The following CADPS2 variants were observed in gnomAD, a reference collection of about 807,000 sequenced individuals.
CADPS2 encodes calcium dependent secretion activator 2.
A neutral mutation model predicts 172.5 loss-of-function variants in CADPS2; 93 were observed. The ratio of observed to expected loss-of-function variants is 0.54; its 90% CI spans 0.46 to 0.64. CADPS2 has a LOEUF of 0.64. CADPS2 is among the 30% of genes least tolerant of loss of function. The pLI is 0.00. For missense variants in CADPS2, 1,420 were observed against 1,565.9 expected, an observed-to-expected ratio of 0.91 and a Z score of 1.57; for synonymous variants, 546 against 555.2, an observed-to-expected ratio of 0.98 and a Z score of 0.23.
chr7:122,746,642 G>GAC lies in CADPS2; in HGVS notation c.340-9576_340-9575dup, dbSNP rs758081487. ...TAAAACACACAGACACACACACACA[G>GAC]ACACACACACACACACACCCTCATG... On this transcript the variant is annotated intron_variant, in intron 1 of 29. Coordinates refer to ENST00000449022, the MANE Select transcript of CADPS2 (RefSeq NM_017954.11). Among the ~76,000 whole-genome samples, 611 of 142,484 alleles carry GAC rather than the reference G, an allele frequency of 4.3e-3. 15 individuals carry two copies. The East Asian group carries it at 0.052, about 12-fold the overall frequency. The allele number at this position is 142,484 out of a possible 152,430, so 93.5% of individuals were successfully genotyped here. A position where few individuals can be genotyped will look rare whatever the true frequency, so the allele number is the denominator to read the frequency against.
intron 14 of CADPS2, among the ~76,000 whole-genome samples, chr7:122,461,439 C>T (rs1339800638): frequency 6.6e-6 from 1 of 151,926 alleles, no homozygotes; most frequent in Non-Finnish European, 1.5e-5. Context: ...GTCCCAATCA[C>T]AATAAATTAA....
intron 2 of CADPS2, among the ~76,000 whole-genome samples, chr7:122,692,962 C>T (rs2084591202): frequency 6.6e-6 from 1 of 152,212 alleles, no homozygotes; most frequent in Non-Finnish European, 1.5e-5. Context: ...ATACCTTTTA[C>T]AGACAATAGT....
At chr7:122,382,245 T>C (rs568823546) in intron 24 of CADPS2, 9 of 152,228 alleles carry the variant, frequency 5.9e-5, no homozygotes, top group East Asian at 5.8e-4. Context: ...TAAAAGGAAG[T>C]TGTAGAATGA....
chr7:122,683,233 T>C (rs896195950), intron 2 of CADPS2, among the ~76,000 whole-genome samples: 2 of 152,188 alleles, frequency 1.3e-5, no homozygotes, highest in African/African-American at 4.8e-5. Context: ...ATCTGTAGTT[T>C]CTGATGCTCA....
intron 2 of CADPS2, among the ~76,000 whole-genome samples, chr7:122,679,266 G>GT (rs1554715341): frequency 0.079 from 1,921 of 24,358 alleles, 397 homozygotes; most frequent in African/African-American, 0.17. Flanking sequence ...ATGCATTCCT[G>GT]GGGGGGGGGG....
chr7:122,626,819 C>T lies in CADPS2; in HGVS notation c.867+2429G>A, dbSNP rs1019750055. On this transcript the variant is annotated intron_variant, in intron 4 of 29. Coordinates refer to ENST00000449022, the MANE Select transcript of CADPS2 (RefSeq NM_017954.11). ...AATGAGGCTCGAAAGTGTTAAGTAA[C>T]GTGCCTACTATTATGTTTAGAAAAT... Among the ~76,000 whole-genome samples the T allele has an allele frequency of 3.9e-5, 6 of 152,258 alleles. No homozygotes were observed. In the East Asian group the frequency reaches 5.8e-4, roughly 15 times the overall value.
chr7:122,671,845 A>G (rs1020868563), intron 2 of CADPS2, among the ~76,000 whole-genome samples: 2 of 152,208 alleles, frequency 1.3e-5, no homozygotes, highest in East Asian at 3.9e-4. Context: ...TGTGAGCAAA[A>G]CTAGGGCAGA....
chr7:122,555,584 T>C (rs1055135221), intron 7 of CADPS2, among the ~76,000 whole-genome samples: 1 of 152,096 alleles, frequency 6.6e-6, no homozygotes, highest in African/African-American at 2.4e-5. Context: ...CATTCTCAGG[T>C]ATTCTAATTT....
intron 2 of CADPS2, among the ~76,000 whole-genome samples, chr7:122,715,804 T>C (rs919075544): frequency 6.6e-6 from 1 of 151,970 alleles, no homozygotes; most frequent in Non-Finnish European, 1.5e-5. Flanking sequence ...AGTAAGGTAC[T>C]ACCAAAGCTT....
intron 7 of CADPS2, among the ~76,000 whole-genome samples, chr7:122,561,783 T>A (rs2065813174): frequency 6.6e-6 from 1 of 152,170 alleles, no homozygotes; most frequent in Non-Finnish European, 1.5e-5. Flanking sequence ...TCAAGCTAAT[T>A]AACATATCCA....
At chr7:122,657,050 A>G (rs1235308535) in intron 3 of CADPS2, among the ~76,000 whole-genome samples, 1 of 152,146 alleles carries the variant, frequency 6.6e-6, no homozygotes, top group Non-Finnish European at 1.5e-5. Context: ...TCCCAGCACC[A>G]TTTATTAAAT....
At chr7:122,878,459 T>C (rs1821900565) in intron 1 of CADPS2, among the ~76,000 whole-genome samples, 1 of 151,566 alleles carries the variant, frequency 6.6e-6, no homozygotes, top group Non-Finnish European at 1.5e-5. Context: ...GAGACCATGG[T>C]GAAACCCCGT....
intron 2 of CADPS2, among the ~76,000 whole-genome samples, chr7:122,695,988 G>A (rs1030761850): frequency 1.3e-5 from 2 of 152,190 alleles, no homozygotes; most frequent in African/African-American, 2.4e-5. Context: ...GAGCTGCAAT[G>A]ACCCTGGAAC....
At chr7:122,762,264 C>T (rs886403556) in intron 1 of CADPS2, among the ~76,000 whole-genome samples, 1 of 151,618 alleles carries the variant, frequency 6.6e-6, no homozygotes, top group Non-Finnish European at 1.5e-5. Context: ...ACAAGCTGGG[C>T]GGCAGTCCAA....
At chr7:122,554,970 G>A (rs546605525) in intron 7 of CADPS2, among the ~76,000 whole-genome samples, 54 of 151,954 alleles carry the variant, frequency 3.6e-4, no homozygotes, top group Non-Finnish European at 6.6e-4. Context: ...TTGAATTGAC[G>A]TTGAAAAATA....
chr7:122,407,840 G>A (rs2046834998), intron 19 of CADPS2, 144 bp from the exon 20 acceptor site: 2 of 765,798 alleles, frequency 2.6e-6, no homozygotes. Flanking sequence ...TTTTTAACCT[G>A]AGAAAAATTT....
intron 27 of CADPS2, among the ~76,000 whole-genome samples, chr7:122,350,750 C>T (rs2038425161): frequency 6.6e-6 from 1 of 152,000 alleles, no homozygotes; most frequent in African/African-American, 2.4e-5. Flanking sequence ...CTTTGGGAGG[C>T]TGAGGTGGGA....
rs117525447 is a variant in CADPS2, at chr7:122,411,213, C to T, written c.2589+2855G>A. On this transcript the variant is annotated intron_variant, in intron 19 of 29. Transcript: ENST00000449022. ...TTCTACTTTTTATTAAAACCTGAGG[C>T]CTTTGATTACTTTTTTTTTTTTTTT... Among the ~76,000 whole-genome samples, 263 of 148,562 alleles carry T rather than the reference C, an allele frequency of 1.8e-3. 3 individuals carry two copies. In the East Asian group the frequency reaches 0.024, roughly 13 times the overall value.
intron 19 of CADPS2, chr7:122,407,930 T>C (rs2046844700): frequency 6.8e-6 from 3 of 439,062 alleles, no homozygotes; most frequent in Admixed American, 3.9e-5. Context: ...AGGACATTTA[T>C]TCCTTTATAA....
Sources: allele counts gnomAD v4.1 joint callset (sites outside exome capture counted in the v4.1 genomes callset), GRCh38; gene constraint gnomAD v4.1.1; transcripts MANE v1.5; gene names NCBI Gene and HGNC (gene_info 2026-07-23, HGNC 2026-07-21).